Variants in SH3BGRL2 observed in about 807,000 individuals in gnomAD.
The protein encoded by SH3BGRL2 is SH3 domain-binding glutamic acid-rich-like protein 2.
SH3BGRL2 carries 21 observed loss-of-function variants against 14.8 expected under a neutral mutation model. The observed-to-expected ratio is 1.42, with a 90% CI of 1.01 to 2.05. The LOEUF (loss-of-function observed/expected upper bound fraction) is 2.05, where lower values mean the gene tolerates loss of function less well. Among genes scored for constraint, SH3BGRL2 ranks in the 30% most tolerant of loss-of-function variants. The probability of loss-of-function intolerance (pLI) is 0.00; values close to 1 mark genes in which losing one functional copy is unlikely to be tolerated. For missense variants in SH3BGRL2, 147 were observed against 130.8 expected, an observed-to-expected ratio of 1.12 and a Z score of -0.61; for synonymous variants, 50 against 47.8, an observed-to-expected ratio of 1.05 and a Z score of -0.19.
chr6:79,579,556 A>G, the SH3BGRL2 span, among the ~76,000 whole-genome samples: 1 of 152,216 alleles, frequency 6.6e-6, no homozygotes, highest in Non-Finnish European at 1.5e-5. Flanking sequence ...ACTAAGCTTC[A>G]TAAGTGAAGG....
At chr6:79,614,472 G>A in the SH3BGRL2 span, among the ~76,000 whole-genome samples, 1 of 152,178 alleles carries the variant, frequency 6.6e-6, no homozygotes, top group African/African-American at 2.4e-5. Flanking sequence ...GCTGGGATCT[G>A]TACAGAACTG....
the SH3BGRL2 span, among the ~76,000 whole-genome samples, chr6:79,572,610 C>T: frequency 1.8e-4 from 28 of 152,072 alleles, no homozygotes; most frequent in Non-Finnish European, 2.5e-4. Context: ...GGAGTACAGG[C>T]GCCCGCCACC....
intron 2 of SH3BGRL2, among the ~76,000 whole-genome samples, chr6:79,685,104 T>G (rs565578165): frequency 4.1e-4 from 62 of 152,354 alleles, no homozygotes; most frequent in Non-Finnish European, 6.2e-4. Context: ...TCTCCTATTT[T>G]CACCTTCCTG....
chr6:79,667,447 G>GA (rs1554203241), intron 1 of SH3BGRL2, among the ~76,000 whole-genome samples: 2 of 147,036 alleles, frequency 1.4e-5, no homozygotes, highest in African/African-American at 5.0e-5. Flanking sequence ...TTTAGGCTAA[G>GA]TTTTTTTTTT....
chr6:79,680,962 T>C (rs1269204382), intron 2 of SH3BGRL2, among the ~76,000 whole-genome samples: 3 of 152,234 alleles, frequency 2.0e-5, no homozygotes, highest in Admixed American at 1.3e-4. Flanking sequence ...TTTATTTTTA[T>C]TTTTTAACTG....
At chr6:79,588,906 G>T in the SH3BGRL2 span, among the ~76,000 whole-genome samples, 1 of 152,012 alleles carries the variant, frequency 6.6e-6, no homozygotes, top group Non-Finnish European at 1.5e-5. Flanking sequence ...GCTGCTCACA[G>T]GATTCAGAAA....
chr6:79,591,049 G>A, the SH3BGRL2 span, among the ~76,000 whole-genome samples: 4 of 152,042 alleles, frequency 2.6e-5, no homozygotes, highest in Non-Finnish European at 5.9e-5. Flanking sequence ...TAATTTATAC[G>A]AATATTAAGT....
At chr6:79,602,100 G>A in the SH3BGRL2 span, among the ~76,000 whole-genome samples, 1 of 152,126 alleles carries the variant, frequency 6.6e-6, no homozygotes, top group Non-Finnish European at 1.5e-5. Context: ...AGTCTAAAAT[G>A]AGTTTATCAA....
chr6:79,613,828 G>A, the SH3BGRL2 span, among the ~76,000 whole-genome samples: 9 of 152,094 alleles, frequency 5.9e-5, no homozygotes, highest in Admixed American at 5.9e-4. Context: ...GGCTGGTCTT[G>A]AACTCTTGAA....
At chr6:79,599,505 G>A in the SH3BGRL2 span, among the ~76,000 whole-genome samples, 3 of 151,908 alleles carry the variant, frequency 2.0e-5, no homozygotes, top group East Asian at 1.9e-4. Context: ...CCAGTAGCTG[G>A]GATTACAGGT....
intron 1 of SH3BGRL2, among the ~76,000 whole-genome samples, chr6:79,647,987 C>T (rs562617965): frequency 6.6e-6 from 1 of 151,674 alleles, no homozygotes; most frequent in South Asian, 2.1e-4. Context: ...AATTCCACAG[C>T]AGTGTTTTAA....
At chr6:79,577,803 C>T in the SH3BGRL2 span, among the ~76,000 whole-genome samples, 27,861 of 152,110 alleles carry the variant, frequency 0.18, 2,641 homozygotes, top group South Asian at 0.22. Context: ...GAGGGTGAGC[C>T]GAAGCAGGGC....
chr6:79,625,467 C>T, the SH3BGRL2 span, among the ~76,000 whole-genome samples: 204 of 152,202 alleles, frequency 1.3e-3, 1 homozygote, highest in African/African-American at 4.8e-3. Context: ...CTTCATTTCA[C>T]AAATATTCTT....
chr6:79,694,381 A>G (rs1562160229), intron 2 of SH3BGRL2, among the ~76,000 whole-genome samples: 1 of 152,256 alleles, frequency 6.6e-6, no homozygotes. Flanking sequence ...TTGAACTCTC[A>G]TGAGGGAATT....
At chr6:79,575,767 A>G in the SH3BGRL2 span, among the ~76,000 whole-genome samples, 1 of 150,920 alleles carries the variant, frequency 6.6e-6, no homozygotes, top group African/African-American at 2.4e-5. Context: ...AAATTCCCAT[A>G]TAGCTAAATT....
At chr6:79,573,866 G>C in the SH3BGRL2 span, 2 of 151,750 alleles carry the variant, frequency 1.3e-5, no homozygotes, top group Non-Finnish European at 2.9e-5. Flanking sequence ...TTTTCTCTGT[G>C]GAAATTAATT....
chr6:79,648,255 C>CGCATATATATAT (rs749278658), intron 1 of SH3BGRL2, among the ~76,000 whole-genome samples: 4 of 62,472 alleles, frequency 6.4e-5, no homozygotes, highest in African/African-American at 1.3e-4. Context: ...ATTCTTTTGG[C>CGCATATATATAT]ATATATATAT....
chr6:79,583,054 G>T, the SH3BGRL2 span, among the ~76,000 whole-genome samples: 95 of 152,332 alleles, frequency 6.2e-4, no homozygotes, highest in African/African-American at 2.3e-3. Context: ...CTGGTCATCA[G>T]AGAAATGCAA....
the SH3BGRL2 span, among the ~76,000 whole-genome samples, chr6:79,545,893 A>G: frequency 6.6e-6 from 1 of 152,204 alleles, no homozygotes; most frequent in East Asian, 1.9e-4. Flanking sequence ...CTTTTTGCAT[A>G]CAACCTTGGT....
Sources: gnomAD v4.1 joint callset for allele counts (sites outside exome capture counted in the v4.1 genomes callset) on GRCh38, gnomAD v4.1.1 for gene constraint, MANE v1.5 for transcripts, NCBI Gene and HGNC (gene_info 2026-07-23, HGNC 2026-07-21) for gene names.